The following RGS6 variants were observed in gnomAD, a reference collection of about 807,000 sequenced individuals.
RGS6 encodes regulator of G protein signaling 6, also known as regulator of G-protein signaling 6.
Under a neutral mutation model 78.5 loss-of-function variants are expected in RGS6, and 30 were observed. The observed-to-expected ratio is 0.38, with a 90% CI of 0.29 to 0.52. The LOEUF (loss-of-function observed/expected upper bound fraction) is 0.52, where lower values mean the gene tolerates loss of function less well. Ranked by LOEUF, RGS6 falls within the 20% of genes least tolerant of loss-of-function variation. The pLI is 0.85. For missense variants in RGS6, 495 were observed against 609.7 expected (o/e 0.81, Z 1.98); for synonymous variants, 206 against 206.0 (o/e 1.00, Z 0.00).
At chr14:72,001,906 T>TTTTTTTTTTTTTTTG (rs2083526151) in intron 2 of RGS6, among the ~76,000 whole-genome samples, 1 of 142,574 alleles carries the variant, frequency 7.0e-6, no homozygotes, top group African/African-American at 2.6e-5. Context: ...TTTTTTTTTT[T>TTTTTTTTTTTTTTTG]TTTTTTTTTT....
chr14:71,995,374 G>A (rs1055219446), intron 2 of RGS6, among the ~76,000 whole-genome samples: 10 of 152,204 alleles, frequency 6.6e-5, no homozygotes, highest in African/African-American at 1.7e-4. Context: ...GTTTGACATC[G>A]CATGCCAGAC....
chr14:72,454,674 G>T, intron 4 of RGS6, 96 bp downstream of exon 4: 2 of 898,728 alleles, frequency 2.2e-6, no homozygotes, highest in Non-Finnish European at 3.4e-6. Context: ...CCTGAGAACT[G>T]GTCTTGTAAA....
At chr14:72,262,078 TAAC>T (rs1300083242) in intron 2 of RGS6, among the ~76,000 whole-genome samples, 1 of 152,130 alleles carries the variant, frequency 6.6e-6, no homozygotes, top group Admixed American at 6.5e-5. Flanking sequence ...TAGTACCTTC[TAAC>T]AGTTCCAGTT....
chr14:72,383,573 AACAG>A (rs1473417200), intron 3 of RGS6, among the ~76,000 whole-genome samples: 9 of 152,128 alleles, frequency 5.9e-5, no homozygotes, highest in Non-Finnish European at 1.3e-4. Context: ...AACAGGCATA[AACAG>A]ACAGTATTTC....
chr14:71,985,854 C>T (rs2094688702), intron 2 of RGS6, among the ~76,000 whole-genome samples: 2 of 152,164 alleles, frequency 1.3e-5, no homozygotes, highest in South Asian at 4.1e-4. Context: ...TCTTAAGCAA[C>T]TAACTAAATA....
chr14:72,427,163 C>A (rs1250567436), intron 3 of RGS6, among the ~76,000 whole-genome samples: 5 of 152,050 alleles, frequency 3.3e-5, no homozygotes, highest in Non-Finnish European at 7.4e-5. Context: ...TCAACCGTGG[C>A]CCAAAAATAG....
chr14:72,483,714 G>GAA (rs71448395), intron 12 of RGS6, among the ~76,000 whole-genome samples: 3 of 141,650 alleles, frequency 2.1e-5, no homozygotes, highest in Non-Finnish European at 4.6e-5. Flanking sequence ...CTAGGTGACA[G>GAA]AAAAAAAAAA....
chr14:72,334,184 A>G (rs2075600074), intron 2 of RGS6, among the ~76,000 whole-genome samples: 1 of 152,192 alleles, frequency 6.6e-6, no homozygotes, highest in African/African-American at 2.4e-5. Context: ...TCACCCCTAC[A>G]TTTAATGGGG....
the RGS6 span, among the ~76,000 whole-genome samples, chr14:71,883,137 CAG>C: frequency 6.6e-6 from 1 of 152,208 alleles, no homozygotes; most frequent in Non-Finnish European, 1.5e-5. Flanking sequence ...TGTGATAACT[CAG>C]AAAATATTTA....
At chr14:71,925,868 A>G in the RGS6 span, among the ~76,000 whole-genome samples, 1 of 152,082 alleles carries the variant, frequency 6.6e-6, no homozygotes, top group Non-Finnish European at 1.5e-5. Flanking sequence ...CATTATACCA[A>G]TGATGATCTA....
the RGS6 span, among the ~76,000 whole-genome samples, chr14:72,627,042 T>C: frequency 0.082 from 12,436 of 152,008 alleles, 651 homozygotes; most frequent in Non-Finnish European, 0.11. Context: ...TTTTAACACT[T>C]CTTTTTATAT....
intron 7 of RGS6, among the ~76,000 whole-genome samples, chr14:72,467,826 A>G (rs1193292760): frequency 6.6e-6 from 1 of 152,154 alleles, no homozygotes; most frequent in Non-Finnish European, 1.5e-5. Context: ...ATGCCCAGCA[A>G]TCACAGCACC....
chr14:72,013,096 C>A (rs2086134485), intron 2 of RGS6, among the ~76,000 whole-genome samples: 2 of 151,658 alleles, frequency 1.3e-5, no homozygotes, highest in Admixed American at 6.6e-5. Context: ...CATGGTGAAA[C>A]CCCATCTCTA....
intron 1 of RGS6, among the ~76,000 whole-genome samples, chr14:71,946,660 T>A (rs4899406): frequency 6.6e-6 from 1 of 152,132 alleles, no homozygotes; most frequent in Admixed American, 6.5e-5. Context: ...TGAATTGGAC[T>A]TTGGAGGACC....
the RGS6 span, among the ~76,000 whole-genome samples, chr14:71,903,833 G>T: frequency 0.83 from 126,340 of 152,156 alleles, 52,652 homozygotes; most frequent in African/African-American, 0.85. Flanking sequence ...GTAAGAAAAG[G>T]AAATAGAAAT....
At chr14:72,214,836 G>A (rs2045166869) in intron 2 of RGS6, among the ~76,000 whole-genome samples, 1 of 152,064 alleles carries the variant, frequency 6.6e-6, no homozygotes, top group Non-Finnish European at 1.5e-5. Context: ...ACCAGGTAAG[G>A]ATGGAAGAAA....
chr14:72,543,110 C>A (rs942337310), intron 17 of RGS6, among the ~76,000 whole-genome samples: 1 of 152,132 alleles, frequency 6.6e-6, no homozygotes, highest in African/African-American at 2.4e-5. Flanking sequence ...AACCACAAAC[C>A]CTGCTTATTT....
At chr14:72,026,871 G>T (rs1002595256) in intron 2 of RGS6, among the ~76,000 whole-genome samples, 20 of 152,210 alleles carry the variant, frequency 1.3e-4, no homozygotes, top group African/African-American at 4.8e-4. Context: ...AATAGCACAG[G>T]TAAGAGGTTG....
intron 2 of RGS6, among the ~76,000 whole-genome samples, chr14:72,269,150 C>T (rs1386098357): frequency 8.0e-6 from 1 of 125,048 alleles, no homozygotes; most frequent in Non-Finnish European, 1.8e-5. Context: ...CCACCACCCA[C>T]CTTGCTCCAA....
Sources: gnomAD v4.1 joint callset for allele counts (sites outside exome capture counted in the v4.1 genomes callset) on GRCh38, gnomAD v4.1.1 for gene constraint, MANE v1.5 for transcripts, NCBI Gene and HGNC (gene_info 2026-07-23, HGNC 2026-07-21) for gene names.